CSNK1A1: variants seen among roughly 807,000 people sequenced by gnomAD.
CSNK1A1 encodes the protein casein kinase I isoform alpha.
A neutral mutation model predicts 46.1 loss-of-function variants in CSNK1A1; 7 were observed. That is an observed-to-expected ratio of 0.15 (90% CI 0.09 to 0.29). CSNK1A1 has a LOEUF of 0.29. CSNK1A1 is among the 10% of genes least tolerant of loss of function. The pLI, the probability that CSNK1A1 is intolerant of heterozygous loss-of-function variation, is 1.00. For synonymous variants in CSNK1A1, 137 were observed against 141.5 expected (o/e 0.97, Z 0.23); for missense variants, 96 against 417.1 (o/e 0.23, Z 6.71).
chr5:149,527,880 A>C (rs1761771539), intron 2 of CSNK1A1, among the ~76,000 whole-genome samples: 1 of 152,244 alleles, frequency 6.6e-6, no homozygotes, highest in African/African-American at 2.4e-5. Context: ...ACTCTTATTT[A>C]TAAGACCAAG....
intron 9 of CSNK1A1, chr5:149,502,163 AAG>A (rs1760878858): frequency 5.2e-6 from 5 of 957,012 alleles, no homozygotes; most frequent in Non-Finnish European, 6.2e-6. Context: ...ATTTTTACTG[AAG>A]AAATATCAGA....
intron 9 of CSNK1A1, chr5:149,497,862 C>G (rs1317322046): frequency 1.0e-6 from 1 of 974,924 alleles, no homozygotes; most frequent in African/African-American, 1.8e-5. Context: ...TGGAGACAGT[C>G]TCGCTCTGTC....
At chr5:149,542,836 C>T (rs553729223) in intron 2 of CSNK1A1, among the ~76,000 whole-genome samples, 27 of 149,346 alleles carry the variant, frequency 1.8e-4, no homozygotes, top group African/African-American at 6.6e-4. Context: ...GCTGGGACTA[C>T]AGGCACACAC....
intron 3 of CSNK1A1, among the ~76,000 whole-genome samples, chr5:149,522,613 C>T (rs1407760569): frequency 6.6e-6 from 1 of 152,160 alleles, no homozygotes; most frequent in Non-Finnish European, 1.5e-5. Flanking sequence ...ACTCTTCTAC[C>T]TTGACAAATG....
intron 9 of CSNK1A1, 114 bp downstream of exon 9, chr5:149,505,333 C>A: frequency 6.9e-7 from 1 of 1,439,706 alleles, no homozygotes; most frequent in South Asian, 1.6e-5. Context: ...AACGCAGAGC[C>A]AAATTTTTAT....
intron 6 of CSNK1A1, 24 bp from the exon 7 acceptor site, chr5:149,509,977 A>C: frequency 6.6e-7 from 1 of 1,521,186 alleles, no homozygotes; most frequent in East Asian, 2.3e-5. Flanking sequence ...TAAAATAAAA[A>C]AGATATACTC....
At chr5:149,535,735 A>G in intron 2 of CSNK1A1, among the ~76,000 whole-genome samples, 1 of 152,112 alleles carries the variant, frequency 6.6e-6, no homozygotes, top group East Asian at 1.9e-4. Flanking sequence ...TCTGCCTCCC[A>G]GATTCAAGCG....
At chr5:149,509,997 G>GAGA in intron 6 of CSNK1A1, 44 bp from the exon 7 acceptor site, 1 of 1,364,256 alleles carries the variant, frequency 7.3e-7, no homozygotes, top group Non-Finnish European at 1.0e-6. Flanking sequence ...CAGTGCTACT[G>GAGA]AGAAGAACCA....
At chr5:149,499,188 T>C (rs1330335343) in intron 9 of CSNK1A1, 1 of 985,210 alleles carries the variant, frequency 1.0e-6, no homozygotes, top group African/African-American at 1.7e-5. Context: ...CGCATTGGTC[T>C]TTGGTTTTTA....
chr5:149,513,989 T>G (rs1761318026), intron 4 of CSNK1A1, among the ~76,000 whole-genome samples: 2 of 152,086 alleles, frequency 1.3e-5, no homozygotes, highest in Non-Finnish European at 2.9e-5. Flanking sequence ...ATACTTGTTA[T>G]CTACCCTAAA....
chr5:149,507,431 T>A (rs1484322931), intron 7 of CSNK1A1, among the ~76,000 whole-genome samples: 1 of 152,080 alleles, frequency 6.6e-6, no homozygotes, highest in Non-Finnish European at 1.5e-5. Context: ...TGTTAAAACC[T>A]GTCATTTTAT....
At chr5:149,539,912 C>A (rs1246922845) in intron 2 of CSNK1A1, among the ~76,000 whole-genome samples, 16 of 152,036 alleles carry the variant, frequency 1.1e-4, no homozygotes, top group Non-Finnish European at 1.5e-5. Flanking sequence ...TTAAATGAGA[C>A]CGTATGCAAT....
At chr5:149,543,679 C>T (rs775150433) in intron 2 of CSNK1A1, among the ~76,000 whole-genome samples, 2 of 152,090 alleles carry the variant, frequency 1.3e-5, no homozygotes, top group African/African-American at 2.4e-5. Flanking sequence ...TTTATAAATA[C>T]GTTCTAAAAC....
At chr5:149,520,458 T>G in intron 3 of CSNK1A1, 70 bp from the exon 4 acceptor site, 1 of 845,006 alleles carries the variant, frequency 1.2e-6, no homozygotes, top group East Asian at 2.5e-5. Flanking sequence ...TCTTAAGTAT[T>G]TCAGTATCTC....
intron 2 of CSNK1A1, among the ~76,000 whole-genome samples, chr5:149,545,018 C>T (rs1284764759): frequency 2.0e-5 from 3 of 151,000 alleles, no homozygotes; most frequent in Non-Finnish European, 2.9e-5. Context: ...CCTGTAATCC[C>T]ATGAACCTGG....
At chr5:149,520,010 A>G (rs1761519451) in intron 4 of CSNK1A1, among the ~76,000 whole-genome samples, 1 of 152,234 alleles carries the variant, frequency 6.6e-6, no homozygotes. Context: ...CAACTGTTCA[A>G]CAGTTAAATA....
chr5:149,519,680 C>T (rs894691025), intron 4 of CSNK1A1, among the ~76,000 whole-genome samples: 6 of 152,150 alleles, frequency 3.9e-5, no homozygotes, highest in African/African-American at 1.4e-4. Context: ...TCTACATTTT[C>T]CTTTAAAGGG....
chr5:149,551,065 C>A lies in CSNK1A1; in HGVS notation c.-101G>T. 2 of 1,343,328 alleles carry A rather than the reference C, an allele frequency of 1.5e-6. No homozygotes were observed. The highest frequency in any genetic ancestry group is 2.5e-5 in the South Asian group (2 of 79,050). 83.2% of individuals were successfully genotyped at this position (1,343,328 alleles called of 1,614,324 possible). On this transcript the variant is annotated 5_prime_UTR_variant, in exon 1 of 10. Transcript: ENST00000377843. Reference sequence around the variant, plus strand: ...CACTAGGCAAGGCTACGGAGGAGGGCGGCAGGAAACGGAACACGGAGGCCT... The same window carrying A: ...CACTAGGCAAGGCTACGGAGGAGGGAGGCAGGAAACGGAACACGGAGGCCT...
chr5:149,528,382 C>G (rs182271256), intron 2 of CSNK1A1, among the ~76,000 whole-genome samples: 43 of 152,312 alleles, frequency 2.8e-4, no homozygotes, highest in Non-Finnish European at 1.6e-4. Context: ...ACCTAAGAGA[C>G]AGGAGTTTAC....
Sources: gnomAD v4.1 joint callset for allele counts (sites outside exome capture counted in the v4.1 genomes callset) on GRCh38, gnomAD v4.1.1 for gene constraint, MANE v1.5 for transcripts, NCBI Gene and HGNC (gene_info 2026-07-23, HGNC 2026-07-21) for gene names.